RTN1: variants seen among roughly 807,000 people sequenced by gnomAD.
The protein encoded by RTN1 is reticulon 1.
RTN1 carries 25 observed loss-of-function variants against 65.5 expected under a neutral mutation model. The ratio of observed to expected loss-of-function variants is 0.38; its 90% CI spans 0.28 to 0.53. The LOEUF (loss-of-function observed/expected upper bound fraction) is 0.53, where lower values mean the gene tolerates loss of function less well. RTN1 is among the 20% of genes least tolerant of loss of function. The pLI is 0.79. For synonymous variants in RTN1, 471 were observed against 447.6 expected, an observed-to-expected ratio of 1.05 and a Z score of -0.66; for missense variants, 983 against 1,025.4, an observed-to-expected ratio of 0.96 and a Z score of 0.57.
intron 1 of RTN1, among the ~76,000 whole-genome samples, chr14:59,820,402 T>C (rs1196793508): frequency 3.3e-5 from 5 of 150,946 alleles, no homozygotes; most frequent in Non-Finnish European, 7.4e-5. Context: ...CTTTTTACTT[T>C]AATTAGGTCC....
chr14:59,629,611 T>C (rs1882489262), intron 3 of RTN1, among the ~76,000 whole-genome samples: 1 of 152,232 alleles, frequency 6.6e-6, no homozygotes, highest in Non-Finnish European at 1.5e-5. Context: ...TTTCTCCTCA[T>C]ACTCTGTAAC....
At chr14:59,791,005 C>T (rs1193722827) in intron 1 of RTN1, among the ~76,000 whole-genome samples, 2 of 152,178 alleles carry the variant, frequency 1.3e-5, no homozygotes, top group African/African-American at 4.8e-5. Flanking sequence ...TTAGCTCTGG[C>T]ATTTCCCTTT....
intron 1 of RTN1, among the ~76,000 whole-genome samples, chr14:59,755,642 C>T (rs1885623116): frequency 6.6e-6 from 1 of 152,124 alleles, no homozygotes; most frequent in Admixed American, 6.6e-5. Flanking sequence ...CAACAGAGTC[C>T]TCCATGAGGG....
intron 1 of RTN1, among the ~76,000 whole-genome samples, chr14:59,839,153 G>A (rs374916236): frequency 2.0e-5 from 3 of 152,260 alleles, no homozygotes; most frequent in African/African-American, 7.2e-5. Flanking sequence ...AGATTATCAA[G>A]TGAATTCATT....
intron 2 of RTN1, among the ~76,000 whole-genome samples, chr14:59,745,414 A>C (rs1236915306): frequency 6.6e-6 from 1 of 152,174 alleles, no homozygotes; most frequent in East Asian, 1.9e-4. Context: ...CTGCATGAGG[A>C]TTTTAATGTT....
At chr14:59,689,515 T>G (rs1883913860) in intron 3 of RTN1, among the ~76,000 whole-genome samples, 1 of 152,118 alleles carries the variant, frequency 6.6e-6, no homozygotes, top group African/African-American at 2.4e-5. Context: ...CACCAGACTG[T>G]CAAAGGTCAA....
intron 3 of RTN1, among the ~76,000 whole-genome samples, chr14:59,685,356 T>C (rs2140224379): frequency 6.6e-6 from 1 of 152,196 alleles, no homozygotes; most frequent in Admixed American, 6.5e-5. Context: ...GGCATCCAAA[T>C]CTGAAAGGAA....
At chr14:59,667,983 G>A (rs1275318759) in intron 3 of RTN1, among the ~76,000 whole-genome samples, 4 of 152,186 alleles carry the variant, frequency 2.6e-5, no homozygotes, top group Non-Finnish European at 5.9e-5. Context: ...AATATTCCAT[G>A]CTCATGGATA....
chr14:59,714,190 G>A (rs1218523168), intron 3 of RTN1, among the ~76,000 whole-genome samples: 2 of 150,112 alleles, frequency 1.3e-5, no homozygotes, highest in Admixed American at 6.7e-5. Context: ...AGCCGAGATT[G>A]TGCCATTGCC....
chr14:59,794,003 A>C lies in RTN1; in HGVS notation c.242-47522T>G, dbSNP rs1312983738. Among the ~76,000 whole-genome samples the C allele has an allele frequency of 1.3e-5, 2 of 151,990 alleles. No homozygotes were observed. Among genetic ancestry groups the C allele is most frequent in the Non-Finnish European group, 2.9e-5 (2 of 68,000 alleles). On this transcript the variant is annotated intron_variant, in intron 1 of 8. Transcript: ENST00000267484. This position sits in a 1 kb window ranked among gnomAD's most constrained non-coding sequence, Gnocchi z 5.1. Reference sequence around the variant, plus strand: ...GAACATTGTCTGGATGCCTCCTAGCACCCATTACACTCCTCTCCCACTGAG... The same window carrying C: ...GAACATTGTCTGGATGCCTCCTAGCCCCCATTACACTCCTCTCCCACTGAG...
chr14:59,780,911 A>T (rs979746029), intron 1 of RTN1, among the ~76,000 whole-genome samples: 4 of 152,180 alleles, frequency 2.6e-5, no homozygotes, highest in Non-Finnish European at 5.9e-5. Context: ...GAAAGAGAGG[A>T]AGCCCCCCAA....
chr14:59,657,445 T>C (rs1330330594), intron 3 of RTN1, among the ~76,000 whole-genome samples: 1 of 152,086 alleles, frequency 6.6e-6, no homozygotes, highest in Non-Finnish European at 1.5e-5. Flanking sequence ...AAAGGGTGTA[T>C]GGCTGGCAAG....
chr14:59,655,748 C>T (rs2140202812), intron 3 of RTN1, among the ~76,000 whole-genome samples: 1 of 152,318 alleles, frequency 6.6e-6, no homozygotes, highest in East Asian at 1.9e-4. Flanking sequence ...TTTTCAACAG[C>T]AGTGTATTTT....
intron 1 of RTN1, among the ~76,000 whole-genome samples, chr14:59,806,174 T>C (rs1196616644): frequency 1.3e-5 from 2 of 151,834 alleles, no homozygotes; most frequent in East Asian, 3.9e-4. Context: ...AGGCGGAGGG[T>C]ATAGTGAGCT....
intron 2 of RTN1, among the ~76,000 whole-genome samples, chr14:59,731,419 A>T (rs1254751390): frequency 2.0e-5 from 3 of 152,134 alleles, no homozygotes; most frequent in Non-Finnish European, 4.4e-5. Context: ...TATTGCAGTG[A>T]TGGATCACAA....
intron 1 of RTN1, among the ~76,000 whole-genome samples, chr14:59,828,098 G>A (rs2139637185): frequency 6.6e-6 from 1 of 152,310 alleles, no homozygotes; most frequent in East Asian, 1.9e-4. Flanking sequence ...GGCTTAGCAA[G>A]CGCCAATCTT....
At position 59,846,949 on chromosome 14, in the gene RTN1, A is replaced by G. The variant is rs1594765521; in HGVS notation, c.241+23441T>C. ...TGTACCCCTTCATCACCATTCTAGA[A>G]ACCTAGTGTCTGAGAGGAAAAACAA... On this transcript the variant is annotated intron_variant, in intron 1 of 8. Coordinates refer to ENST00000267484, the MANE Select transcript of RTN1 (RefSeq NM_021136.3). This position sits in a 1 kb window ranked among gnomAD's most constrained non-coding sequence, Gnocchi z 4.8. 6.6e-6 allele frequency among the ~76,000 whole-genome samples: 1 copy of G among 152,174 alleles called. No individual in the cohort carries two copies. The highest frequency in any genetic ancestry group is 1.9e-4 in the East Asian group (1 of 5,194).
chr14:59,707,670 T>TTC (rs148218611), intron 3 of RTN1, among the ~76,000 whole-genome samples: 6 of 148,570 alleles, frequency 4.0e-5, no homozygotes, highest in Non-Finnish European at 6.0e-5. Flanking sequence ...TGCTTGATAA[T>TTC]TCTCTCTCTC....
intron 1 of RTN1, among the ~76,000 whole-genome samples, chr14:59,799,303 T>C (rs1886496199): frequency 6.6e-6 from 1 of 152,168 alleles, no homozygotes; most frequent in Admixed American, 6.5e-5. Flanking sequence ...ACCATAACCA[T>C]GTAGGATGGA....
Sources: gnomAD v4.1 joint callset for allele counts (sites outside exome capture counted in the v4.1 genomes callset) on GRCh38, gnomAD v4.1.1 for gene constraint, Gnocchi (gnomAD v3.1) non-coding constraint, MANE v1.5 for transcripts, NCBI Gene and HGNC (gene_info 2026-07-23, HGNC 2026-07-21) for gene names.